MYO9A: variants seen among roughly 807,000 people sequenced by gnomAD.
MYO9A encodes myosin IXA.
In MYO9A, 103 loss-of-function variants were observed where a neutral mutation model predicts 293.3. The ratio of observed to expected loss-of-function variants is 0.35; its 90% CI spans 0.30 to 0.41. MYO9A has a LOEUF of 0.41. MYO9A is among the 10% of genes least tolerant of loss of function. MYO9A has a pLI of 1.00. For missense variants in MYO9A, 2,685 were observed against 3,033.0 expected (o/e 0.89, Z 2.69); for synonymous variants, 1,001 against 1,035.7 (o/e 0.97, Z 0.64).
In MYO9A at chr15:71,824,136, C is replaced by T. The variant is rs775533235; in HGVS notation, c.*2444G>A. 11 of 152,154 alleles carry T rather than the reference C, an allele frequency of 7.2e-5. No individual in the cohort carries two copies. Among genetic ancestry groups the T allele is most frequent in the Non-Finnish European group, 1.5e-4 (10 of 68,020 alleles). 9.4% of individuals were successfully genotyped at this position (152,154 alleles called of 1,614,324 possible). ...ATTTTGTGGCTCTCTCCTCCTCACCCACCCACCCCAATCCTGGCAGATTAA... is the reference window on the plus strand; with the variant it reads ...ATTTTGTGGCTCTCTCCTCCTCACCTACCCACCCCAATCCTGGCAGATTAA... On this transcript the variant is annotated 3_prime_UTR_variant, in exon 42 of 42. Coordinates refer to ENST00000356056, the MANE Select transcript of MYO9A (RefSeq NM_006901.4).
intron 34 of MYO9A, among the ~76,000 whole-genome samples, chr15:71,856,606 G>T (rs12592806): frequency 0.027 from 4,097 of 152,208 alleles, 158 homozygotes; most frequent in East Asian, 0.18. Context: ...TTTAAATAAA[G>T]GAATAATCAG....
intron 1 of MYO9A, among the ~76,000 whole-genome samples, chr15:72,092,181 G>A (rs1186832272): frequency 6.6e-6 from 1 of 152,158 alleles, no homozygotes. Context: ...CATAATGATA[G>A]AAGCCAAGCC....
intron 9 of MYO9A, among the ~76,000 whole-genome samples, chr15:71,999,585 A>AC (rs2076806765): frequency 3.9e-5 from 6 of 152,126 alleles, no homozygotes; most frequent in Admixed American, 3.9e-4. Flanking sequence ...CCATCTATCT[A>AC]CCCCACATTA....
intron 13 of MYO9A, 146 bp from the exon 14 acceptor site, chr15:71,960,242 G>A: frequency 1.5e-6 from 1 of 677,700 alleles, no homozygotes; most frequent in South Asian, 1.9e-5. Flanking sequence ...GGCCTGGTAG[G>A]AGGTGTTTGG....
At chr15:72,033,726 T>C (rs2077950534) in intron 2 of MYO9A, among the ~76,000 whole-genome samples, 1 of 152,232 alleles carries the variant, frequency 6.6e-6, no homozygotes, top group African/African-American at 2.4e-5. Flanking sequence ...CATGGATATA[T>C]ACATTTATCA....
chr15:71,956,320 AAAAAAAAAAAAT>A (rs1391679779), intron 14 of MYO9A, among the ~76,000 whole-genome samples: 4 of 17,464 alleles, frequency 2.3e-4, no homozygotes, highest in African/African-American at 5.4e-4. Flanking sequence ...TAAAAAAAAA[AAAAAAAAAAAAT>A]ATATATATAT....
At chr15:71,886,929 G>A (rs1232953731) in intron 27 of MYO9A, among the ~76,000 whole-genome samples, 1 of 151,998 alleles carries the variant, frequency 6.6e-6, no homozygotes, top group African/African-American at 2.4e-5. Flanking sequence ...TCTACAGTCA[G>A]CGAAAAAGTG....
intron 1 of MYO9A, among the ~76,000 whole-genome samples, chr15:72,087,829 T>C (rs899679903): frequency 3.9e-5 from 6 of 152,360 alleles, no homozygotes; most frequent in African/African-American, 1.4e-4. Flanking sequence ...TCTTTTCTGC[T>C]GTTTGGGTTT....
chr15:71,982,914 C>T (rs2076311528), intron 11 of MYO9A, among the ~76,000 whole-genome samples: 1 of 152,132 alleles, frequency 6.6e-6, no homozygotes, highest in South Asian at 2.1e-4. Context: ...ATTAAATATT[C>T]CTTTTTATCT....
At chr15:71,981,687 G>C (rs147623481) in intron 11 of MYO9A, among the ~76,000 whole-genome samples, 216 of 150,038 alleles carry the variant, frequency 1.4e-3, no homozygotes, top group African/African-American at 4.6e-3. Context: ...AATTCCTTGA[G>C]GGGTTCATCA....
At position 72,046,195 on chromosome 15, in the gene MYO9A, T is replaced by C. The variant is rs372579532; in HGVS notation, c.369A>G (p.Ser123=). The C allele has an allele frequency of 2.5e-6, 4 of 1,614,034 alleles. No homozygotes were observed. The highest frequency in any genetic ancestry group is 3.4e-6 in the Non-Finnish European group (4 of 1,180,028). ...DGSIHYGSLQ[S]WLRVTEERRR... ...GACGTTCTTCTGTTACCCGTAGCCA[T>C]GACTGCAGGCTACCATAATGGATTG... The change falls in exon 2 of 42, where the codon TCA becomes TCG. Residue 123 remains serine (S), a synonymous_variant. Coordinates refer to ENST00000356056, the MANE Select transcript of MYO9A (RefSeq NM_006901.4).
rs1254115040 is a variant in MYO9A, at chr15:71,899,755, C to A, written c.3402G>T (p.Arg1134Ser). 1.9e-6 allele frequency: 3 copies of A among 1,614,106 alleles called. No individual in the cohort carries two copies. The highest frequency in any genetic ancestry group is 3.3e-5 in the Admixed American group (2 of 59,990). Residue 1134 changes from arginine (R) to serine (S), a missense_variant, in exon 24 of 42, where the codon AGG (arginine) becomes AGT (serine). By Grantham distance (110) the Arg-to-Ser change is moderately radical (BLOSUM62 -1). Coordinates refer to ENST00000356056, the MANE Select transcript of MYO9A (RefSeq NM_006901.4). ...TAATTTTTTTCCTTTGTTCTTGGTA[C>A]CTTTTACTTTCCCTGTAGGCTTTCC... ...ARWKAYRESK[R>S]YQEQRKKIIL...
chr15:71,893,723 G>T lies in MYO9A; in HGVS notation c.5098C>A (p.Pro1700Thr). 3.1e-6 allele frequency: 5 copies of T among 1,613,928 alleles called. No individual in the cohort carries two copies. The highest frequency in any genetic ancestry group is 4.2e-6 in the Non-Finnish European group (5 of 1,179,920). The stretch of plus-strand genomic sequence containing the variant: ...GCTAACTTCACAGGTTTCCATGCTG[G>T]TTCATCTTCTTTATGGAGTTGAGGA... ...KNPQLHKEDE[P>T]AWKPVKLAGP... is the part of the protein sequence containing the mutation. Residue 1700 changes from proline to threonine, a missense_variant, in exon 26 of 42, where the codon CCA (proline) becomes ACA (threonine). By Grantham distance (38) the Pro-to-Thr change is conservative. Transcript: ENST00000356056.
chr15:71,991,937 G>T (rs939156019), intron 10 of MYO9A, among the ~76,000 whole-genome samples: 1 of 152,106 alleles, frequency 6.6e-6, no homozygotes, highest in African/African-American at 2.4e-5. Flanking sequence ...TGTATTTTTG[G>T]TAGAGACTGG....
chr15:71,976,003 G>C lies in MYO9A; in HGVS notation c.1844+2168C>G, dbSNP rs568432765. ...CATTGTTTCGTTTTCCCTGAGTTCT[G>C]CAAGCTGCTCGGGCAAATTAATTGA... On this transcript the variant is annotated intron_variant, in intron 12 of 41. Transcript: ENST00000356056. Among the ~76,000 whole-genome samples, 8 of 152,276 alleles carry C rather than the reference G, an allele frequency of 5.3e-5. No individual in the cohort carries two copies. The South Asian group carries it at 1.7e-3, about 32-fold the overall frequency.
At chr15:71,829,395 C>G (rs2054628550) in intron 40 of MYO9A, among the ~76,000 whole-genome samples, 1 of 152,150 alleles carries the variant, frequency 6.6e-6, no homozygotes, top group Admixed American at 6.5e-5. Flanking sequence ...TAAGAGTCAT[C>G]AATGTCGACC....
Position 71,854,456 on chromosome 15 carries a change from A to C in MYO9A, c.6267T>G (p.His2089Gln). Residue 2089 changes from histidine (H) to glutamine (Q), a missense_variant, in exon 35 of 42, where the codon CAT (histidine) becomes CAG (glutamine). His to Gln is a conservative substitution (Grantham distance 24, BLOSUM62 0). Around this residue, in one of 10 missense-constraint regions of MYO9A, gnomAD observed 238 missense variants for 269.1 expected, o/e 0.88. Transcript: ENST00000356056. The stretch of plus-strand genomic sequence containing the variant: ...GATAAATACCTTCTGTATACAGTCC[A>C]TGCATTTCAATGTAGTTTATGAGCT... Reference protein sequence around the residue: ...VEKLINYIEMHGLYTEGIYRK... With the variant: ...VEKLINYIEMQGLYTEGIYRK... 1 of 1,613,768 alleles carries C rather than the reference A, an allele frequency of 6.2e-7. No homozygotes were observed. The highest frequency in any genetic ancestry group is 8.5e-7 in the Non-Finnish European group (1 of 1,179,804).
intron 41 of MYO9A, among the ~76,000 whole-genome samples, chr15:71,827,488 T>C (rs141815780): frequency 6.6e-6 from 1 of 151,990 alleles, no homozygotes; most frequent in African/African-American, 2.4e-5. Flanking sequence ...CTGTGGTAAG[T>C]ACAGGATAAA....
intron 19 of MYO9A, among the ~76,000 whole-genome samples, chr15:71,913,196 A>G (rs1485178006): frequency 6.6e-6 from 1 of 152,104 alleles, no homozygotes; most frequent in Non-Finnish European, 1.5e-5. Context: ...CTGGGCTTTA[A>G]TAAACTATGA....
Sources: gnomAD v4.1 joint callset for allele counts (sites outside exome capture counted in the v4.1 genomes callset) on GRCh38, gnomAD v4.1.1 for gene constraint, gnomAD v4.1.1 regional missense constraint, MANE v1.5 for transcripts, NCBI Gene and HGNC (gene_info 2026-07-23, HGNC 2026-07-21) for gene names.